The following DDX10 variants were observed in gnomAD, a reference collection of about 807,000 sequenced individuals.
The protein encoded by DDX10 is DEAD-box helicase 10.
DDX10 carries 74 observed loss-of-function variants against 104.3 expected under a neutral mutation model. The ratio of observed to expected loss-of-function variants is 0.71; its 90% CI spans 0.59 to 0.86. DDX10 has a LOEUF of 0.86. DDX10 is among the 40% of genes least tolerant of loss of function. The pLI, the probability that DDX10 is intolerant of heterozygous loss-of-function variation, is 0.00. For missense variants in DDX10, 952 were observed against 1,040.0 expected (o/e 0.92, Z 1.16); for synonymous variants, 351 against 353.4 (o/e 0.99, Z 0.08).
intron 10 of DDX10, among the ~76,000 whole-genome samples, chr11:108,708,089 C>T (rs948218677): frequency 1.3e-5 from 2 of 151,926 alleles, no homozygotes; most frequent in African/African-American, 2.4e-5. Flanking sequence ...AAAGTGGCTA[C>T]ACCATTTTGA....
At chr11:108,919,222 A>G (rs1863791622) in intron 17 of DDX10, 1 of 152,208 alleles carries the variant, frequency 6.6e-6, no homozygotes, top group African/African-American at 2.4e-5. Context: ...GGTTGAACAT[A>G]TGAGCTTTAT....
chr11:108,865,305 G>C (rs1862995310), intron 16 of DDX10, among the ~76,000 whole-genome samples: 1 of 152,142 alleles, frequency 6.6e-6, no homozygotes, highest in South Asian at 2.1e-4. Flanking sequence ...TGCTTGAAGT[G>C]TCCAGGACTA....
At chr11:108,926,889 GA>G (rs978211602) in intron 17 of DDX10, among the ~76,000 whole-genome samples, 1 of 152,138 alleles carries the variant, frequency 6.6e-6, no homozygotes, top group Non-Finnish European at 1.5e-5. Context: ...AATTATTTAG[GA>G]AAAAATCCAA....
At chr11:108,888,010 A>C (rs1863323862) in intron 16 of DDX10, among the ~76,000 whole-genome samples, 1 of 151,754 alleles carries the variant, frequency 6.6e-6, no homozygotes, top group South Asian at 2.1e-4. Context: ...TAGTGTTTTC[A>C]ATCAGAGGAA....
intron 16 of DDX10, among the ~76,000 whole-genome samples, chr11:108,878,587 A>C (rs1418350905): frequency 1.3e-5 from 2 of 152,184 alleles, no homozygotes; most frequent in Admixed American, 1.3e-4. Context: ...ATAACCCATC[A>C]AGTCTTATGA....
chr11:108,915,901 T>A (rs1185875726), intron 16 of DDX10, among the ~76,000 whole-genome samples: 2 of 141,818 alleles, frequency 1.4e-5, no homozygotes, highest in South Asian at 4.4e-4. Flanking sequence ...GATTTGAGAA[T>A]GCAGCTGTCT....
intron 16 of DDX10, among the ~76,000 whole-genome samples, chr11:108,856,432 A>T (rs1374255021): frequency 6.6e-6 from 1 of 152,122 alleles, no homozygotes; most frequent in East Asian, 1.9e-4. Flanking sequence ...CTCTGTCTCA[A>T]ACAAAACAAA....
chr11:108,822,474 G>T, intron 13 of DDX10: 1 of 315,408 alleles, frequency 3.2e-6, no homozygotes, highest in Non-Finnish European at 6.1e-6. Context: ...CCTTTCCCCA[G>T]GTGATGCCTT....
intron 13 of DDX10, among the ~76,000 whole-genome samples, chr11:108,786,230 AT>A (rs372192410): frequency 4.7e-5 from 7 of 149,680 alleles, no homozygotes; most frequent in East Asian, 1.9e-4. Context: ...AATTATTTCA[AT>A]TTTTTTTTTG....
At chr11:108,863,948 T>G (rs1345781401) in intron 16 of DDX10, among the ~76,000 whole-genome samples, 1 of 151,234 alleles carries the variant, frequency 6.6e-6, no homozygotes, top group African/African-American at 2.5e-5. Context: ...AGCATTAGAT[T>G]TGAAAAATAC....
chr11:108,797,667 T>G (rs1389804889), intron 13 of DDX10, among the ~76,000 whole-genome samples: 2 of 152,256 alleles, frequency 1.3e-5, no homozygotes, highest in Non-Finnish European at 2.9e-5. Flanking sequence ...GAGCCATGTC[T>G]TTATCACAGC....
intron 15 of DDX10, among the ~76,000 whole-genome samples, chr11:108,845,176 C>G (rs562747083): frequency 1.3e-5 from 2 of 152,254 alleles, no homozygotes; most frequent in South Asian, 2.1e-4. Flanking sequence ...CCACTGTACT[C>G]CAGCCTGGGC....
intron 11 of DDX10, among the ~76,000 whole-genome samples, 159 bp from the exon 12 acceptor site, chr11:108,719,638 A>C (rs909753705): frequency 1.3e-5 from 2 of 152,186 alleles, no homozygotes; most frequent in Non-Finnish European, 2.9e-5. Context: ...CAGTTCTAAA[A>C]GGTAGGTTTT....
At chr11:108,796,860 A>G (rs1861947976) in intron 13 of DDX10, among the ~76,000 whole-genome samples, 1 of 152,134 alleles carries the variant, frequency 6.6e-6, no homozygotes, top group South Asian at 2.1e-4. Flanking sequence ...CTAAAAAAGG[A>G]CAAGTTTGGC....
chr11:108,677,643 A>G (rs1565243205), intron 4 of DDX10, among the ~76,000 whole-genome samples: 1 of 150,526 alleles, frequency 6.6e-6, no homozygotes, highest in Admixed American at 6.7e-5. Context: ...CTTTAGAGGA[A>G]TGTTTATAGT....
At chr11:108,790,869 A>C (rs1387074303) in intron 13 of DDX10, among the ~76,000 whole-genome samples, 4 of 152,132 alleles carry the variant, frequency 2.6e-5, no homozygotes, top group Non-Finnish European at 5.9e-5. Flanking sequence ...AGTTATCCAA[A>C]AATATAGATG....
intron 9 of DDX10, among the ~76,000 whole-genome samples, chr11:108,705,742 T>G (rs1162853783): frequency 1.3e-5 from 2 of 152,178 alleles, no homozygotes; most frequent in Non-Finnish European, 2.9e-5. Flanking sequence ...TTTAAAAAAT[T>G]TCTCCAAGTA....
chr11:108,773,330 G>A (rs2134529429), intron 13 of DDX10, among the ~76,000 whole-genome samples: 1 of 152,252 alleles, frequency 6.6e-6, no homozygotes, highest in Admixed American at 6.5e-5. Context: ...TAGACAATTG[G>A]CTATTGATTT....
At chr11:108,724,011 A>G (rs2094302129) in intron 13 of DDX10, among the ~76,000 whole-genome samples, 1 of 152,122 alleles carries the variant, frequency 6.6e-6, no homozygotes, top group South Asian at 2.1e-4. Flanking sequence ...TCTAGGAGGA[A>G]CAAAAGAAAT....
Sources: allele counts gnomAD v4.1 joint callset (sites outside exome capture counted in the v4.1 genomes callset), GRCh38; gene constraint gnomAD v4.1.1; transcripts MANE v1.5; gene names NCBI Gene and HGNC (gene_info 2026-07-23, HGNC 2026-07-21).